The following PRKG1 variants were observed in gnomAD, a reference collection of about 807,000 sequenced individuals.
The protein encoded by PRKG1 is cGMP-dependent protein kinase 1.
PRKG1 carries 35 observed loss-of-function variants against 88.1 expected under a neutral mutation model. The ratio of observed to expected loss-of-function variants is 0.40; its 90% CI spans 0.30 to 0.53. The LOEUF (loss-of-function observed/expected upper bound fraction) is 0.53. Ranked by LOEUF, PRKG1 falls within the 20% of genes least tolerant of loss-of-function variation. The probability of loss-of-function intolerance (pLI) is 0.59; values close to 1 mark genes in which losing one functional copy is unlikely to be tolerated. For synonymous variants in PRKG1, 303 were observed against 292.5 expected, an observed-to-expected ratio of 1.04 and a Z score of -0.37; for missense variants, 540 against 839.8, an observed-to-expected ratio of 0.64 and a Z score of 4.41.
chr10:52,068,249 C>CATATGGA (rs1255623152), intron 7 of PRKG1, among the ~76,000 whole-genome samples: 1 of 146,534 alleles, frequency 6.8e-6, no homozygotes, highest in Non-Finnish European at 1.5e-5. Flanking sequence ...GACTTGAAAC[C>CATATGGA]ATATGGAATA....
chr10:51,081,926 T>G (rs1844121656), intron 1 of PRKG1, among the ~76,000 whole-genome samples: 1 of 152,148 alleles, frequency 6.6e-6, no homozygotes, highest in Non-Finnish European at 1.5e-5. Context: ...CTGGATAATT[T>G]TTAATTTTTT....
Position 52,271,544 on chromosome 10 carries a change from A to G in PRKG1, c.1313+55A>G, listed in dbSNP as rs143823950. ...CCCAACTCCAAGTGACAAATCCACC[A>G]CAAAACCCTCTGCCACTTGTGCTCA... On this transcript the variant is annotated intron_variant, in intron 11 of 17. Transcript: ENST00000373980. The G allele has an allele frequency of 7.0e-5, 111 of 1,576,582 alleles. No individual in the cohort carries two copies. In the Middle Eastern group the frequency reaches 9.2e-4, roughly 13 times the overall value.
intron 7 of PRKG1, among the ~76,000 whole-genome samples, chr10:52,078,764 C>A (rs1018281953): frequency 6.6e-6 from 1 of 152,224 alleles, no homozygotes; most frequent in African/African-American, 2.4e-5. Context: ...CTTACAGTTT[C>A]TCCTTCTAGC....
intron 3 of PRKG1, among the ~76,000 whole-genome samples, chr10:51,644,242 A>C (rs752517865): frequency 6.6e-6 from 1 of 151,950 alleles, no homozygotes; most frequent in Non-Finnish European, 1.5e-5. Flanking sequence ...TTGGATCTAA[A>C]CTCTGGATCA....
chr10:50,997,582 C>G (rs1332577288), intron 1 of PRKG1, among the ~76,000 whole-genome samples: 1 of 152,084 alleles, frequency 6.6e-6, no homozygotes, highest in Non-Finnish European at 1.5e-5. Context: ...CATAGTTGCT[C>G]AGGGTATGAA....
intron 3 of PRKG1, among the ~76,000 whole-genome samples, chr10:51,668,251 G>GA (rs1840471090): frequency 6.6e-6 from 1 of 152,154 alleles, no homozygotes; most frequent in African/African-American, 2.4e-5. Flanking sequence ...ACTCAGAGCT[G>GA]AATTGAAAAC....
intron 9 of PRKG1, among the ~76,000 whole-genome samples, chr10:52,199,626 G>A (rs1224719719): frequency 6.6e-6 from 1 of 152,080 alleles, no homozygotes; most frequent in African/African-American, 2.4e-5. Flanking sequence ...AGCCCTACAG[G>A]AAGAGGTTAT....
intron 1 of PRKG1, among the ~76,000 whole-genome samples, chr10:51,079,776 C>A (rs1440940751): frequency 6.6e-6 from 1 of 151,952 alleles, no homozygotes; most frequent in Non-Finnish European, 1.5e-5. Context: ...GCTTTCTTAC[C>A]CCCACCATCA....
rs147382626 is a variant in PRKG1 at position 51,702,911 on chromosome 10, T to G, written c.593-101674T>G. On this transcript the variant is annotated intron_variant, in intron 3 of 17. Coordinates refer to ENST00000373980, the MANE Select transcript of PRKG1 (RefSeq NM_006258.4). ...GGTTTCACCGTGTTGGCCAGGCTGGTCTTGAACTCCTGAGCTCAAGCGATC... is the reference window on the plus strand; with the variant it reads ...GGTTTCACCGTGTTGGCCAGGCTGGGCTTGAACTCCTGAGCTCAAGCGATC... Among the ~76,000 whole-genome samples the G allele has an allele frequency of 8.5e-5, 13 of 152,114 alleles. No homozygotes were observed. The East Asian group carries it at 1.7e-3, about 20-fold the overall frequency.
At chr10:51,982,965 T>G (rs751552609) in intron 5 of PRKG1, among the ~76,000 whole-genome samples, 3 of 152,088 alleles carry the variant, frequency 2.0e-5, no homozygotes, top group African/African-American at 7.2e-5. Context: ...GTACCCATGG[T>G]TGTGCTGGTG....
chr10:52,259,494 G>A (rs1841384207), intron 10 of PRKG1, among the ~76,000 whole-genome samples: 1 of 152,032 alleles, frequency 6.6e-6, no homozygotes, highest in South Asian at 2.1e-4. Context: ...AATTCTGTAT[G>A]TTTCAATATA....
chr10:51,937,247 A>G (rs1842816686), intron 5 of PRKG1, among the ~76,000 whole-genome samples: 1 of 152,044 alleles, frequency 6.6e-6, no homozygotes. Flanking sequence ...TGTATATTTC[A>G]TATGATTTTA....
At chr10:51,978,039 T>C (rs1843892547) in intron 5 of PRKG1, among the ~76,000 whole-genome samples, 1 of 152,160 alleles carries the variant, frequency 6.6e-6, no homozygotes, top group African/African-American at 2.4e-5. Context: ...CATGAAATCT[T>C]TGCCTGTTCC....
At chr10:51,816,536 CAT>C (rs1491168963) in intron 4 of PRKG1, among the ~76,000 whole-genome samples, 13 of 98,466 alleles carry the variant, frequency 1.3e-4, no homozygotes, top group African/African-American at 3.3e-4. Flanking sequence ...ATAATTTTGG[CAT>C]GTGTGTGTGT....
intron 5 of PRKG1, among the ~76,000 whole-genome samples, chr10:51,915,972 T>C (rs1842330414): frequency 6.6e-6 from 1 of 152,120 alleles, no homozygotes; most frequent in South Asian, 2.1e-4. Flanking sequence ...GGCAAGGATA[T>C]AGAGAAATTT....
chr10:51,954,868 A>T (rs556066333), intron 5 of PRKG1, among the ~76,000 whole-genome samples: 1 of 152,166 alleles, frequency 6.6e-6, no homozygotes, highest in African/African-American at 2.4e-5. Flanking sequence ...AGAATAGTGT[A>T]ATCACCTCCC....
intron 2 of PRKG1, among the ~76,000 whole-genome samples, chr10:51,194,844 G>C (rs1837721693): frequency 6.6e-6 from 1 of 152,136 alleles, no homozygotes; most frequent in South Asian, 2.1e-4. Flanking sequence ...GGATGGGAGA[G>C]AGAAAGCGGG....
intron 3 of PRKG1, among the ~76,000 whole-genome samples, chr10:51,624,510 T>A (rs1480079212): frequency 2.6e-5 from 4 of 152,240 alleles, no homozygotes; most frequent in Admixed American, 6.5e-5. Flanking sequence ...TTCATATCAC[T>A]GCTTCAGATC....
At chr10:51,474,862 G>A (rs924528235) in intron 3 of PRKG1, among the ~76,000 whole-genome samples, 1 of 151,968 alleles carries the variant, frequency 6.6e-6, no homozygotes, top group Non-Finnish European at 1.5e-5. Context: ...AATCTGAAAA[G>A]ACTGCTTTGC....
Sources: gnomAD v4.1 joint callset for allele counts (sites outside exome capture counted in the v4.1 genomes callset) on GRCh38, gnomAD v4.1.1 for gene constraint, MANE v1.5 for transcripts, NCBI Gene and HGNC (gene_info 2026-07-23, HGNC 2026-07-21) for gene names.